The following SLC13A4 variants were observed in gnomAD, a reference collection of about 807,000 sequenced individuals.
SLC13A4 encodes the protein solute carrier family 13 member 4.
SLC13A4 carries 28 observed loss-of-function variants against 72.7 expected under a neutral mutation model. That is an observed-to-expected ratio of 0.39 (90% confidence interval 0.29 to 0.53). The LOEUF is 0.53. Ranked by LOEUF, SLC13A4 falls within the 20% of genes least tolerant of loss-of-function variation. SLC13A4 has a pLI of 0.78. For missense variants in SLC13A4, 653 were observed against 788.0 expected, an observed-to-expected ratio of 0.83 and a Z score of 2.05; for synonymous variants, 312 against 325.5, an observed-to-expected ratio of 0.96 and a Z score of 0.45.
At chr7:135,688,594 A>G (rs933090367) in intron 13 of SLC13A4, among the ~76,000 whole-genome samples, 1 of 152,160 alleles carries the variant, frequency 6.6e-6, no homozygotes, top group African/African-American at 2.4e-5. Context: ...TTATTTTTCC[A>G]GCAGAACTAT....
At chr7:135,720,908 G>A (rs1416533946) in intron 2 of SLC13A4, among the ~76,000 whole-genome samples, 2 of 152,156 alleles carry the variant, frequency 1.3e-5, no homozygotes, top group South Asian at 2.1e-4. Flanking sequence ...TTTTGGAGGC[G>A]TGGATGAAAA....
intron 1 of SLC13A4, among the ~76,000 whole-genome samples, chr7:135,726,797 G>C (rs939481593): frequency 6.6e-6 from 1 of 152,236 alleles, no homozygotes; most frequent in Non-Finnish European, 1.5e-5. Context: ...CACGTGCATG[G>C]GAGCAGGGCA....
intron 8 of SLC13A4, among the ~76,000 whole-genome samples, chr7:135,697,371 G>A (rs148715889): frequency 1.3e-5 from 2 of 152,176 alleles, no homozygotes; most frequent in African/African-American, 4.8e-5. Flanking sequence ...ACATGCTGAG[G>A]GCAGGAGCCT....
intron 2 of SLC13A4, among the ~76,000 whole-genome samples, chr7:135,713,765 C>T (rs937163150): frequency 3.9e-5 from 6 of 152,094 alleles, no homozygotes; most frequent in Non-Finnish European, 5.9e-5. Context: ...TCAGTAGAGA[C>T]GGGGTTTCGC....
chr7:135,721,658 C>G, intron 1 of SLC13A4, 135 bp from the exon 2 acceptor site: 5 of 1,085,368 alleles, frequency 4.6e-6, no homozygotes, highest in Non-Finnish European at 6.6e-6. Flanking sequence ...GGACCGAAAC[C>G]GAACTGGCAG....
chr7:135,706,149 T>C lies in SLC13A4; in HGVS notation c.517A>G (p.Thr173Ala). The C allele has an allele frequency of 6.2e-7, 1 of 1,605,246 alleles. No individual in the cohort carries two copies. ...DEQLVAGNSN[T>A]EEAEPISLDV... is the part of the protein sequence containing the mutation. ...GTACTGATGGGTTCGGCCTCTTCGG[T>C]GTTGGAGTTGCCCGCCACGAGCTGC... Residue 173 changes from threonine to alanine, a missense_variant, in exon 4 of 16, where the codon ACC (threonine) becomes GCC (alanine). Coordinates refer to ENST00000682651, the MANE Select transcript of SLC13A4 (RefSeq NM_001318192.2).
chr7:135,688,826 A>G (rs779355950), intron 13 of SLC13A4: 1 of 152,118 alleles, frequency 6.6e-6, no homozygotes, highest in Non-Finnish European at 1.5e-5. Context: ...AAATAACTGT[A>G]CTATCTCTAA....
chr7:135,713,990 T>G (rs2129495128), intron 2 of SLC13A4, among the ~76,000 whole-genome samples: 1 of 152,272 alleles, frequency 6.6e-6, no homozygotes, highest in South Asian at 2.1e-4. Context: ...AGGACTCCAT[T>G]CCAGTTAGTG....
At chr7:135,691,868 G>A (rs1439855783) in intron 11 of SLC13A4, 3 of 492,114 alleles carry the variant, frequency 6.1e-6, no homozygotes, top group Middle Eastern at 5.5e-4. Flanking sequence ...ATGTCTTAAT[G>A]TGAATTTGTG....
intron 15 of SLC13A4, among the ~76,000 whole-genome samples, chr7:135,682,842 G>T (rs1584711839): frequency 1.3e-5 from 2 of 152,148 alleles, no homozygotes. Context: ...GGTCAGTGGT[G>T]GGGGCACACA....
At chr7:135,698,451 C>T (rs1795954941) in intron 8 of SLC13A4, among the ~76,000 whole-genome samples, 1 of 148,662 alleles carries the variant, frequency 6.7e-6, no homozygotes, top group Non-Finnish European at 1.5e-5. Flanking sequence ...TCTCCTGCCT[C>T]AGCCTCCTAA....
intron 8 of SLC13A4, among the ~76,000 whole-genome samples, chr7:135,697,050 C>T (rs550937614): frequency 5.3e-5 from 8 of 152,216 alleles, no homozygotes; most frequent in Non-Finnish European, 7.3e-5. Context: ...CCTCCACTCC[C>T]GTAGCTTCCC....
chr7:135,699,518 TG>T lies in SLC13A4; in HGVS notation c.744del (p.Arg249GlyfsTer5). The T allele has an allele frequency of 6.2e-7, 1 of 1,610,190 alleles. No homozygotes were observed. Among genetic ancestry groups the T allele is most frequent in the South Asian group, 1.1e-5 (1 of 89,924 alleles). On this transcript the variant is annotated frameshift_variant, in exon 8 of 16. Coordinates refer to ENST00000682651, the MANE Select transcript of SLC13A4 (RefSeq NM_001318192.2). LOFTEE classifies it high-confidence loss of function. ...QEKPQVLTPS[P>X]RKQKLNRKYR... ...TACTTTCTGTTCAGCTTCTGCTTCC[TG>T]GGGCTGGGGGTCAGGACTTGTGGCT...
intron 1 of SLC13A4, among the ~76,000 whole-genome samples, chr7:135,721,956 G>C (rs1796558392): frequency 6.6e-6 from 1 of 152,204 alleles, no homozygotes; most frequent in Non-Finnish European, 1.5e-5. Flanking sequence ...GAATCACTAT[G>C]TGTGGTGGGG....
chr7:135,722,369 G>T (rs773463250), intron 1 of SLC13A4, among the ~76,000 whole-genome samples: 18 of 152,220 alleles, frequency 1.2e-4, no homozygotes, highest in Non-Finnish European at 2.1e-4. Context: ...ATTGGTGTGT[G>T]CCTGACTGAA....
intron 2 of SLC13A4, among the ~76,000 whole-genome samples, chr7:135,715,098 T>C (rs562266241): frequency 8.0e-5 from 12 of 150,204 alleles, no homozygotes; most frequent in Non-Finnish European, 1.8e-4. Flanking sequence ...TAAGTGTATG[T>C]GTGTGAGCGT....
intron 1 of SLC13A4, among the ~76,000 whole-genome samples, chr7:135,725,558 T>G (rs1796637209): frequency 6.6e-6 from 1 of 152,142 alleles, no homozygotes; most frequent in Admixed American, 6.5e-5. Context: ...GCTTGTCGCT[T>G]AGAACCATCA....
rs1402796463 is a variant in SLC13A4, at chr7:135,691,238, A to C, written c.1409T>G (p.Leu470Arg). Residue 470 changes from leucine to arginine, a missense_variant, in exon 13 of 16, where the codon CTG (leucine) becomes CGG (arginine). By Grantham distance (102) the Leu-to-Arg change is moderately radical (BLOSUM62 -2). Transcript: ENST00000682651. ...QKTMPWEIVI[L>R]VGGGYALASG... ...AGCCAGAGCATAGCCTCCCCCAACC[A>C]GAATGACAATCTCCCAGGGCATGGT... 2.5e-6 allele frequency: 4 copies of C among 1,612,806 alleles called. No homozygotes were observed. Among genetic ancestry groups the C allele is most frequent in the African/African-American group, 2.7e-5 (2 of 74,802 alleles).
intron 6 of SLC13A4, chr7:135,702,430 C>A: frequency 5.9e-6 from 1 of 168,828 alleles, no homozygotes; most frequent in Non-Finnish European, 1.3e-5. Flanking sequence ...GGCTGAAGTG[C>A]AGTGGCACGA....
Sources: allele counts gnomAD v4.1 joint callset (sites outside exome capture counted in the v4.1 genomes callset), GRCh38; gene constraint gnomAD v4.1.1; transcripts MANE v1.5; gene names NCBI Gene and HGNC (gene_info 2026-07-23, HGNC 2026-07-21).